The following INPP4B variants were observed in gnomAD, a reference collection of about 807,000 sequenced individuals.
INPP4B encodes inositol polyphosphate 4-phosphatase type II.
Under a neutral mutation model 122.5 loss-of-function variants are expected in INPP4B, and 55 were observed. The ratio of observed to expected loss-of-function variants is 0.45; its 90% confidence interval spans 0.36 to 0.56. The LOEUF is 0.56. Among genes scored for constraint, INPP4B ranks in the 20% least tolerant of loss-of-function variants. The pLI, the probability that INPP4B is intolerant of heterozygous loss-of-function variation, is 0.00. For synonymous variants in INPP4B, 403 were observed against 388.7 expected (o/e 1.04, Z -0.43); for missense variants, 1,000 against 1,097.7 (o/e 0.91, Z 1.26).
At chr4:142,791,986 G>A (rs1047121147) in intron 1 of INPP4B, among the ~76,000 whole-genome samples, 3 of 152,104 alleles carry the variant, frequency 2.0e-5, no homozygotes, top group Admixed American at 6.6e-5. Flanking sequence ...GTAACCAAGA[G>A]AGAATTGTTT....
At chr4:142,705,073 T>G (rs963026057) in intron 2 of INPP4B, among the ~76,000 whole-genome samples, 1 of 152,156 alleles carries the variant, frequency 6.6e-6, no homozygotes, top group Non-Finnish European at 1.5e-5. Flanking sequence ...CCCTCAGACT[T>G]TTGTTCTCAA....
intron 23 of INPP4B, among the ~76,000 whole-genome samples, chr4:142,106,577 A>G (rs1787235252): frequency 6.6e-6 from 1 of 152,224 alleles, no homozygotes; most frequent in Admixed American, 6.6e-5. Context: ...GTACCTATAC[A>G]TATTTCTTTA....
chr4:142,584,636 A>T (rs149196706), intron 2 of INPP4B, among the ~76,000 whole-genome samples: 1,700 of 152,234 alleles, frequency 0.011, 29 homozygotes, highest in African/African-American at 0.039. Context: ...AAAGGTACAT[A>T]TTATCTACAT....
intron 1 of INPP4B, among the ~76,000 whole-genome samples, chr4:142,799,532 ATTAAT>A (rs1195794005): frequency 2.0e-5 from 3 of 151,950 alleles, no homozygotes; most frequent in Non-Finnish European, 4.4e-5. Context: ...TAAAAGAACT[ATTAAT>A]TTAAAATATT....
At chr4:142,726,590 A>T (rs1199234101) in intron 1 of INPP4B, among the ~76,000 whole-genome samples, 1 of 152,186 alleles carries the variant, frequency 6.6e-6, no homozygotes, top group Non-Finnish European at 1.5e-5. Context: ...AAATGTTCAG[A>T]TTGGAGGATA....
intron 2 of INPP4B, among the ~76,000 whole-genome samples, chr4:142,654,351 C>G (rs139821272): frequency 7.8e-6 from 1 of 127,394 alleles, no homozygotes; most frequent in African/African-American, 2.9e-5. Flanking sequence ...GCACTTGTAC[C>G]CTAGAACTTA....
chr4:142,053,077 T>C (rs1383263511), intron 25 of INPP4B, among the ~76,000 whole-genome samples: 3 of 152,038 alleles, frequency 2.0e-5, no homozygotes, highest in African/African-American at 4.8e-5. Context: ...AGAAGAGGTA[T>C]TGTCTGGGAG....
intron 1 of INPP4B, among the ~76,000 whole-genome samples, chr4:142,838,203 CTT>C (rs1488762602): frequency 6.6e-6 from 1 of 151,916 alleles, no homozygotes; most frequent in Non-Finnish European, 1.5e-5. Context: ...CATATCTAAA[CTT>C]ATATGAAAGA....
chr4:142,174,017 A>G (rs1826819479), intron 15 of INPP4B, among the ~76,000 whole-genome samples: 1 of 152,084 alleles, frequency 6.6e-6, no homozygotes, highest in South Asian at 2.1e-4. Context: ...TGTTTTGCTA[A>G]AACACTGGGA....
intron 2 of INPP4B, among the ~76,000 whole-genome samples, chr4:142,615,907 T>C (rs1743589842): frequency 6.6e-6 from 1 of 151,940 alleles, no homozygotes; most frequent in Non-Finnish European, 1.5e-5. Context: ...GCCATATTAA[T>C]AGGAGAAAAA....
In INPP4B at chr4:142,109,410, T is replaced by C. The variant is rs139540353; in HGVS notation, c.2277-1220A>G. On this transcript the variant is annotated intron_variant, in intron 22 of 25. Coordinates refer to ENST00000262992, the MANE Select transcript of INPP4B (RefSeq NM_001101669.3). ...AATTAATCTAACCTATATTTCATCA[T>C]ATCAACTCACTGAACTTCAATGCTT... 3.3e-5 allele frequency among the ~76,000 whole-genome samples: 5 copies of C among 152,312 alleles called. No individual in the cohort carries two copies. In the East Asian group the frequency reaches 9.7e-4, roughly 29 times the overall value.
At chr4:142,298,077 C>G (rs1286310908) in intron 9 of INPP4B, among the ~76,000 whole-genome samples, 2 of 152,030 alleles carry the variant, frequency 1.3e-5, no homozygotes, top group Non-Finnish European at 2.9e-5. Context: ...TTTCTACTAC[C>G]TCACATGCCT....
chr4:142,669,491 G>A (rs889512866), intron 2 of INPP4B, among the ~76,000 whole-genome samples: 3 of 152,170 alleles, frequency 2.0e-5, no homozygotes, highest in East Asian at 1.9e-4. Context: ...GCAGAAAGGA[G>A]AGCCCAGAAA....
chr4:142,381,444 C>T (rs1218467672), intron 7 of INPP4B, among the ~76,000 whole-genome samples: 1 of 152,030 alleles, frequency 6.6e-6, no homozygotes, highest in Non-Finnish European at 1.5e-5. Context: ...TTTCTGAAAT[C>T]CGAACTCTCT....
At chr4:142,656,054 G>A (rs1424046745) in intron 2 of INPP4B, among the ~76,000 whole-genome samples, 1 of 152,136 alleles carries the variant, frequency 6.6e-6, no homozygotes, top group Admixed American at 6.5e-5. Context: ...GGGGTCCCTG[G>A]AGAAACACCA....
intron 12 of INPP4B, among the ~76,000 whole-genome samples, chr4:142,228,185 T>A (rs979400820): frequency 3.3e-4 from 50 of 151,872 alleles, no homozygotes; most frequent in Non-Finnish European, 5.1e-4. Context: ...AAAAGCAGCA[T>A]GCAGTCCATG....
intron 7 of INPP4B, among the ~76,000 whole-genome samples, chr4:142,325,750 T>C (rs1772111210): frequency 6.6e-6 from 1 of 152,186 alleles, no homozygotes; most frequent in Non-Finnish European, 1.5e-5. Flanking sequence ...AACTTCTAAT[T>C]TCTCTATATG....
At chr4:142,432,691 G>A (rs1015523874) in intron 3 of INPP4B, among the ~76,000 whole-genome samples, 5 of 152,080 alleles carry the variant, frequency 3.3e-5, no homozygotes, top group African/African-American at 1.2e-4. Context: ...CTAATAGTGA[G>A]ATAATATCTG....
intron 7 of INPP4B, among the ~76,000 whole-genome samples, chr4:142,381,199 A>G (rs769942822): frequency 3.3e-5 from 5 of 152,096 alleles, no homozygotes; most frequent in Non-Finnish European, 7.4e-5. Flanking sequence ...AGGATGCAAA[A>G]ATTTACATTC....
Sources: allele counts gnomAD v4.1 joint callset (sites outside exome capture counted in the v4.1 genomes callset), GRCh38; gene constraint gnomAD v4.1.1; transcripts MANE v1.5; gene names NCBI Gene and HGNC (gene_info 2026-07-23, HGNC 2026-07-21).